SNX29: variants seen among roughly 807,000 people sequenced by gnomAD.
SNX29 encodes sorting nexin-29.
Under a neutral mutation model 102.1 loss-of-function variants are expected in SNX29, and 78 were observed. The ratio of observed to expected loss-of-function variants is 0.76; its 90% confidence interval spans 0.64 to 0.92. The LOEUF (loss-of-function observed/expected upper bound fraction) is 0.92. SNX29 is among the 40% of genes least tolerant of loss of function. The pLI, the probability that SNX29 is intolerant of heterozygous loss-of-function variation, is 0.00. For synonymous variants in SNX29, 580 were observed against 414.5 expected (o/e 1.40, Z -4.85); for missense variants, 1,280 against 1,061.7 (o/e 1.21, Z -2.86).
At chr16:12,555,387 C>T (rs1333752121) in intron 20 of SNX29, among the ~76,000 whole-genome samples, 1 of 151,964 alleles carries the variant, frequency 6.6e-6, no homozygotes, top group Non-Finnish European at 1.5e-5. Context: ...CTGTCTTTCC[C>T]TGCGTGTCTG....
chr16:12,491,625 C>G (rs1366617258), intron 19 of SNX29, among the ~76,000 whole-genome samples: 1 of 152,020 alleles, frequency 6.6e-6, no homozygotes, highest in Non-Finnish European at 1.5e-5. Context: ...GTGTGCTGCA[C>G]CCATTAACTC....
chr16:12,334,442 C>T (rs1423872256), intron 15 of SNX29, among the ~76,000 whole-genome samples: 1 of 152,130 alleles, frequency 6.6e-6, no homozygotes, highest in African/African-American at 2.4e-5. Context: ...GTGTTCGGCA[C>T]CGTGCAAACC....
In SNX29 at chr16:12,061,377, C is replaced by T. The variant is rs140369976; in HGVS notation, c.1125-151C>T. On this transcript the variant is annotated intron_variant, in intron 8 of 20. Coordinates refer to ENST00000566228, the MANE Select transcript of SNX29 (RefSeq NM_032167.5). ...AATGCAAGAGGTCTGGATCTGGACT[C>T]CACGCTCTACCTCCCAGCCCACACC... 1.8e-4 allele frequency: 113 copies of T among 631,100 alleles called. No individual in the cohort carries two copies. The East Asian group carries it at 3.0e-3, about 17-fold the overall frequency. 39.1% of individuals were successfully genotyped at this position (631,100 alleles called of 1,614,324 possible).
intron 14 of SNX29, among the ~76,000 whole-genome samples, chr16:12,234,438 GTTC>G (rs940903105): frequency 1.3e-5 from 2 of 151,716 alleles, no homozygotes; most frequent in African/African-American, 4.8e-5. Flanking sequence ...AGTTGTATGA[GTTC>G]TTTGTGTATT....
chr16:12,554,242 C>T (rs576790999), intron 20 of SNX29, among the ~76,000 whole-genome samples: 60 of 152,354 alleles, frequency 3.9e-4, no homozygotes, highest in African/African-American at 1.3e-3. Flanking sequence ...TCTCCCTCGG[C>T]TGCATCGTCT....
chr16:12,365,971 G>A (rs929403955), intron 16 of SNX29, among the ~76,000 whole-genome samples: 11 of 148,770 alleles, frequency 7.4e-5, no homozygotes, highest in Non-Finnish European at 7.4e-5. Context: ...GAACCCGGGA[G>A]GTGGAGGTTG....
intron 20 of SNX29, among the ~76,000 whole-genome samples, chr16:12,541,549 C>T (rs1458954632): frequency 6.6e-6 from 1 of 151,914 alleles, no homozygotes; most frequent in African/African-American, 2.4e-5. Flanking sequence ...CATCAGCCTC[C>T]CTTTTCAAGC....
intron 14 of SNX29, among the ~76,000 whole-genome samples, chr16:12,267,060 C>T (rs2078950804): frequency 6.6e-6 from 1 of 152,192 alleles, no homozygotes; most frequent in African/African-American, 2.4e-5. Flanking sequence ...CTGCGCAGCC[C>T]AGTCTGTACT....
chr16:12,417,076 A>C (rs1398689285), intron 18 of SNX29, among the ~76,000 whole-genome samples: 2 of 152,252 alleles, frequency 1.3e-5, no homozygotes, highest in African/African-American at 4.8e-5. Flanking sequence ...AGGTGCAGCC[A>C]GGGTGCCAGC....
chr16:12,453,506 A>G (rs1269151749), intron 18 of SNX29, among the ~76,000 whole-genome samples: 1 of 152,168 alleles, frequency 6.6e-6, no homozygotes, highest in East Asian at 1.9e-4. Flanking sequence ...AAAAACAAAC[A>G]AAGTGGCTGT....
rs147039160 is a variant in SNX29, at chr16:12,350,761, C to G, written c.1783-5402C>G. Among the ~76,000 whole-genome samples the G allele has an allele frequency of 4.7e-4, 71 of 152,316 alleles. No homozygotes were observed. The East Asian group carries it at 8.1e-3, about 17-fold the overall frequency. On this transcript the variant is annotated intron_variant, in intron 15 of 20. Transcript: ENST00000566228. ...GTTTACCAGTGGCTCTCAACTCTGA[C>G]TGATCATTACAGTCACCGTGGGCTT...
rs148484534 is a variant in SNX29, at chr16:12,560,373, G to A, written c.2319-8133G>A. On this transcript the variant is annotated intron_variant, in intron 20 of 20. Transcript: ENST00000566228. ...ACATTCATCTGGTGACAGGTTGTGCGCTCAGTATTTTGAGTTCTTTAATCC... is the reference window on the plus strand; with the variant it reads ...ACATTCATCTGGTGACAGGTTGTGCACTCAGTATTTTGAGTTCTTTAATCC... Among the ~76,000 whole-genome samples the A allele has an allele frequency of 3.6e-3, 545 of 152,220 alleles. 7 individuals are homozygous for A. Among genetic ancestry groups the A allele is most frequent in the African/African-American group, 0.012 (493 of 41,520 alleles).
chr16:12,294,539 C>G lies in SNX29; in HGVS notation c.1782+16503C>G, dbSNP rs182406521. On this transcript the variant is annotated intron_variant, in intron 15 of 20. Transcript: ENST00000566228. ...ATAGGCACCCGCCTCCCTCTGCTGTCTGTCTGTAGCATTCTGGATGGCTGT... is the reference window on the plus strand; with the variant it reads ...ATAGGCACCCGCCTCCCTCTGCTGTGTGTCTGTAGCATTCTGGATGGCTGT... 6.8e-4 allele frequency among the ~76,000 whole-genome samples: 103 copies of G among 152,306 alleles called. 2 individuals are homozygous for G. Among genetic ancestry groups the G allele is most frequent in the Admixed American group, 6.5e-4 (10 of 15,294 alleles).
intron 11 of SNX29, among the ~76,000 whole-genome samples, chr16:12,111,397 C>G (rs954760705): frequency 1.3e-5 from 2 of 152,232 alleles, no homozygotes; most frequent in African/African-American, 4.8e-5. Flanking sequence ...GTGCTTGTCA[C>G]TTGCCAGCCA....
chr16:12,249,551 A>G (rs895992088), intron 14 of SNX29, among the ~76,000 whole-genome samples: 18 of 152,204 alleles, frequency 1.2e-4, no homozygotes, highest in African/African-American at 3.9e-4. Context: ...AACCACTGGC[A>G]TTACCATAGG....
At chr16:11,978,003 G>C (rs1051931611) in intron 1 of SNX29, among the ~76,000 whole-genome samples, 1 of 152,172 alleles carries the variant, frequency 6.6e-6, no homozygotes, top group African/African-American at 2.4e-5. Flanking sequence ...AGGTTGAGCG[G>C]GGGGCAAGGC....
intron 5 of SNX29, 54 bp from the exon 6 acceptor site, chr16:12,046,330 T>G: frequency 1.3e-6 from 2 of 1,585,846 alleles, no homozygotes; most frequent in Non-Finnish European, 1.7e-6. Flanking sequence ...TCCTGGTTAA[T>G]GGACACAGAG....
intron 4 of SNX29, among the ~76,000 whole-genome samples, chr16:12,030,877 T>C (rs568256400): frequency 3.3e-5 from 5 of 152,238 alleles, no homozygotes; most frequent in South Asian, 2.1e-4. Context: ...CACAACTCTT[T>C]CATCCAGTTT....
chr16:12,571,669 G>A lies in SNX29; in HGVS notation c.*3040G>A. On this transcript the variant is annotated 3_prime_UTR_variant, in exon 21 of 21. Transcript: ENST00000566228. Reference sequence around the variant, plus strand: ...AGACGACTCAGGAACGGTAGGGCTGGGCAGAGGTGTCTCTCCTTGAGAGAC... The same window carrying A: ...AGACGACTCAGGAACGGTAGGGCTGAGCAGAGGTGTCTCTCCTTGAGAGAC... The A allele has an allele frequency of 9.4e-7, 1 of 1,059,554 alleles. No homozygotes were observed. The highest frequency in any genetic ancestry group is 1.1e-6 in the Non-Finnish European group (1 of 876,098). 65.6% of individuals were successfully genotyped at this position (1,059,554 alleles called of 1,614,324 possible).
Sources: gnomAD v4.1 joint callset for allele counts (sites outside exome capture counted in the v4.1 genomes callset) on GRCh38, gnomAD v4.1.1 for gene constraint, MANE v1.5 for transcripts, NCBI Gene and HGNC (gene_info 2026-07-23, HGNC 2026-07-21) for gene names.